ACTC1: variants seen among roughly 807,000 people sequenced by gnomAD.
ACTC1 encodes the protein actin alpha cardiac muscle 1, also known as actin, alpha cardiac muscle 1.
Under a neutral mutation model 31.6 loss-of-function variants are expected in ACTC1, and 10 were observed. The observed-to-expected ratio is 0.32, with a 90% confidence interval of 0.19 to 0.54. The LOEUF is 0.54. Among genes scored for constraint, ACTC1 ranks in the 20% least tolerant of loss-of-function variants. The pLI, the probability that ACTC1 is intolerant of heterozygous loss-of-function variation, is 0.95. For synonymous variants in ACTC1, 196 were observed against 185.0 expected (o/e 1.06, Z -0.48); for missense variants, 129 against 506.4 (o/e 0.25, Z 7.15).
rs972067055 is a variant in ACTC1 at position 34,793,896 on chromosome 15, TG to T, written c.130-328del. 1.3e-5 allele frequency among the ~76,000 whole-genome samples: 2 copies of T among 152,194 alleles called. No homozygotes were observed. The highest frequency in any genetic ancestry group is 4.8e-5 in the African/African-American group (2 of 41,440). On this transcript the variant is annotated intron_variant, in intron 2 of 6. Coordinates refer to ENST00000290378, the MANE Select transcript of ACTC1 (RefSeq NM_005159.5). The surrounding 1 kb of genome is among the most constrained non-coding windows in gnomAD (Gnocchi z 4.8). ...TATTAAGCTCATCACCCATGTCAAC[TG>T]GAATATAGATGACTGCATTTTGGAA...
intron 5 of ACTC1, chr15:34,791,830 C>G (rs1162768042): frequency 6.1e-6 from 3 of 490,216 alleles, no homozygotes; most frequent in African/African-American, 3.9e-5. Flanking sequence ...CCTTTTCCTG[C>G]AGATACGTGC....
Position 34,794,862 on chromosome 15 carries a change from C to T in ACTC1, c.-22-32G>A. ...GTTGAGGAGGGGAGGGCGGACCACG[C>T]TTAGCTGCCTGTGCAGCTGGCCTTC... On this transcript the variant is annotated intron_variant, in intron 1 of 6. Transcript: ENST00000290378. The T allele has an allele frequency of 3.3e-6, 5 of 1,511,820 alleles. No homozygotes were observed. In the South Asian group the frequency reaches 5.7e-5, roughly 17 times the overall value. The allele number at this position is 1,511,820 out of a possible 1,614,324, so 93.7% of individuals were successfully genotyped here.
At position 34,790,323 on chromosome 15, in the gene ACTC1, G is replaced by T; in HGVS notation, c.*89C>A. 1 of 1,494,326 alleles carries T rather than the reference G, an allele frequency of 6.7e-7. No homozygotes were observed. The highest frequency in any genetic ancestry group is 9.3e-7 in the Non-Finnish European group (1 of 1,073,468). 92.6% of individuals were successfully genotyped at this position (1,494,326 alleles called of 1,614,324 possible). ...TGTGTAAACAAACTGTACAATGATT[G>T]ATGAAAGATGAGGGAAGGTGGTTTG... is the stretch of plus-strand genomic sequence containing the variant. On this transcript the variant is annotated 3_prime_UTR_variant, in exon 7 of 7. Transcript: ENST00000290378.
chr15:34,790,877 C>T (rs539391317), intron 6 of ACTC1, among the ~76,000 whole-genome samples: 52 of 152,034 alleles, frequency 3.4e-4, no homozygotes, highest in African/African-American at 1.2e-3. Context: ...GATTTTGTTG[C>T]GTGTGTGTGT....
In ACTC1 at chr15:34,792,047, T is replaced by G. The variant is rs763817712; in HGVS notation, c.808+43A>C. 2.5e-6 allele frequency: 4 copies of G among 1,609,888 alleles called. No individual in the cohort carries two copies. Among genetic ancestry groups the G allele is most frequent in the Non-Finnish European group, 3.4e-6 (4 of 1,177,254 alleles). ...ATTTTACTCTGGGAGACCCTAAGAT[T>G]TCCAGGGAAAATCGTGCCTCTGCAC... On this transcript the variant is annotated intron_variant, in intron 5 of 6. Transcript: ENST00000290378. This position sits in a 1 kb window ranked among gnomAD's most constrained non-coding sequence, Gnocchi z 5.3.
chr15:34,795,021 G>A (rs764659962), intron 1 of ACTC1, among the ~76,000 whole-genome samples, 191 bp from the exon 2 acceptor site: 3 of 152,134 alleles, frequency 2.0e-5, no homozygotes, highest in African/African-American at 4.8e-5. Context: ...AGGAGACTGG[G>A]GACAGAGAAG....
rs766013863 is a variant in ACTC1, at chr15:34,791,246, C to G, written c.858G>C (p.Lys286Asn). Residue 286 changes from lysine (K) to asparagine (N), a missense_variant, in exon 6 of 7, where the codon AAG becomes AAC. Lys to Asn is a moderately conservative substitution (Grantham distance 94, BLOSUM62 0). Transcript: ENST00000290378. ...GGTCCTTGCGGATATCAATGTCACA[C>G]TTCATGATGCTATTGTAAGTTGTTT... ...IHETTYNSIM[K>N]CDIDIRKDLY... 2 of 1,613,666 alleles carry G rather than the reference C, an allele frequency of 1.2e-6. No homozygotes were observed. Among genetic ancestry groups the G allele is most frequent in the Non-Finnish European group, 1.7e-6 (2 of 1,179,884 alleles).
chr15:34,792,322 G>A lies in ACTC1; in HGVS notation c.617-41C>T. 1.9e-6 allele frequency: 3 copies of A among 1,614,104 alleles called. No homozygotes were observed. Among genetic ancestry groups the A allele is most frequent in the Non-Finnish European group, 2.5e-6 (3 of 1,179,936 alleles). On this transcript the variant is annotated intron_variant, in intron 4 of 6. Transcript: ENST00000290378. This position sits in a 1 kb window ranked among gnomAD's most constrained non-coding sequence, Gnocchi z 5.3. ...GTATCACAGTCATGCTCTGAAGCAA[G>A]AAGTCAATTATAGGGAGGTAGGCGG...
chr15:34,791,518 C>T (rs984814668), intron 5 of ACTC1, among the ~76,000 whole-genome samples: 7 of 152,198 alleles, frequency 4.6e-5, no homozygotes, highest in African/African-American at 1.7e-4. Flanking sequence ...AAAGGAGCAA[C>T]TGTGCTTAGC....
chr15:34,794,845 G>A lies in ACTC1; in HGVS notation c.-22-15C>T. The A allele has an allele frequency of 6.2e-7, 1 of 1,606,322 alleles. No homozygotes were observed. The highest frequency in any genetic ancestry group is 8.5e-7 in the Non-Finnish European group (1 of 1,174,364). On this transcript the variant is annotated splice_polypyrimidine_tract_variant and intron_variant, in intron 1 of 6. Coordinates refer to ENST00000290378, the MANE Select transcript of ACTC1 (RefSeq NM_005159.5). ...TTCAGGGGGTTCTGCAGGTTGAGGA[G>A]GGGAGGGCGGACCACGCTTAGCTGC...
At position 34,792,412 on chromosome 15, in the gene ACTC1, G is replaced by A; in HGVS notation, c.612C>T (p.Thr204=). 1 of 1,614,202 alleles carries A rather than the reference G, an allele frequency of 6.2e-7. No individual in the cohort carries two copies. The highest frequency in any genetic ancestry group is 8.5e-7 in the Non-Finnish European group (1 of 1,180,042). ...ILTERGYSFV[T]TAEREIVRDI... ...AGATGAGACACACACACTCACCAGT[G>A]GTGACAAAGGAGTAGCCACGCTCAG... Residue 204 remains threonine (T), a synonymous_variant, in exon 4 of 7, where the codon ACC becomes ACT. Transcript: ENST00000290378. The surrounding 1 kb of genome is among the most constrained non-coding windows in gnomAD (Gnocchi z 5.3).
At position 34,793,141 on chromosome 15, in the gene ACTC1, G is replaced by C; in HGVS notation, c.454+104C>G. The C allele has an allele frequency of 8.4e-7, 1 of 1,194,056 alleles. No homozygotes were observed. 74.0% of individuals were successfully genotyped at this position (1,194,056 alleles called of 1,614,324 possible). A position where few individuals can be genotyped will look rare whatever the true frequency, so the allele number is the denominator to read the frequency against. The stretch of plus-strand genomic sequence containing the variant: ...TAGCACAGACCTTGCTAGGGAATGG[G>C]AGGAAAGGGATTATCCCTTTTTCAA... On this transcript the variant is annotated intron_variant, in intron 3 of 6. Coordinates refer to ENST00000290378, the MANE Select transcript of ACTC1 (RefSeq NM_005159.5). This position sits in a 1 kb window ranked among gnomAD's most constrained non-coding sequence, Gnocchi z 4.8.
chr15:34,790,713 A>G (rs775003614), intron 6 of ACTC1, among the ~76,000 whole-genome samples, 158 bp from the exon 7 acceptor site: 3 of 152,216 alleles, frequency 2.0e-5, no homozygotes, highest in Non-Finnish European at 4.4e-5. Context: ...ATCAAGTTAT[A>G]TGAACTCACC....
At chr15:34,791,345 AC>A in intron 5 of ACTC1, 50 bp from the exon 6 acceptor site, 1 of 1,296,192 alleles carries the variant, frequency 7.7e-7, no homozygotes, top group African/African-American at 1.4e-5. Flanking sequence ...ACACACACAC[AC>A]ACACACATCA....
chr15:34,792,604 C>T lies in ACTC1; in HGVS notation c.455-35G>A. On this transcript the variant is annotated intron_variant, in intron 3 of 6. Coordinates refer to ENST00000290378, the MANE Select transcript of ACTC1 (RefSeq NM_005159.5). The surrounding 1 kb of genome is among the most constrained non-coding windows in gnomAD (Gnocchi z 5.3). ...GAAGTAGACAAGAACAAGGTAAATT[C>T]CTGAGGACAACACCACTGCTCTAGC... 1 of 1,613,504 alleles carries T rather than the reference C, an allele frequency of 6.2e-7. No individual in the cohort carries two copies. The highest frequency in any genetic ancestry group is 8.5e-7 in the Non-Finnish European group (1 of 1,179,456).
intron 1 of ACTC1, 76 bp downstream of exon 1, chr15:34,795,430 G>GCGGCGCGGGGCTGGCGTC (rs1891807117): frequency 6.6e-6 from 1 of 152,422 alleles, no homozygotes; most frequent in Non-Finnish European, 1.5e-5. Context: ...TGGCCAGGTG[G>GCGGCGCGGGGCTGGCGTC]CGGCGCGGGG....
chr15:34,790,965 T>C, intron 6 of ACTC1, 149 bp downstream of exon 6: 1 of 789,890 alleles, frequency 1.3e-6, no homozygotes, highest in Non-Finnish European at 2.0e-6. Context: ...GGAAAAGTGC[T>C]AAGAAAATCA....
chr15:34,794,757 G>A lies in ACTC1; in HGVS notation c.52C>T (p.Leu18=). Residue 18 remains leucine (L), a synonymous_variant, in exon 2 of 7, where the codon CTG becomes TTG. Transcript: ENST00000290378. ...TCGCCCGCAAAGCCGGCCTTCACCA[G>A]CCCAGAGCCGTTGTCGCACACCAGG... ...TALVCDNGSG[L]VKAGFAGDDA... is the part of the protein sequence containing the mutation. 1 of 1,613,702 alleles carries A rather than the reference G, an allele frequency of 6.2e-7. No individual in the cohort carries two copies. Among genetic ancestry groups the A allele is most frequent in the Non-Finnish European group, 8.5e-7 (1 of 1,179,872 alleles).
intron 6 of ACTC1, 71 bp downstream of exon 6, chr15:34,791,043 G>T: frequency 7.1e-7 from 1 of 1,415,600 alleles, no homozygotes; most frequent in South Asian, 1.4e-5. Flanking sequence ...GAGGGAAAAG[G>T]AATTTGGAAC....
Sources: gnomAD v4.1 joint callset for allele counts (sites outside exome capture counted in the v4.1 genomes callset) on GRCh38, gnomAD v4.1.1 for gene constraint, Gnocchi (gnomAD v3.1) non-coding constraint, MANE v1.5 for transcripts, NCBI Gene and HGNC (gene_info 2026-07-23, HGNC 2026-07-21) for gene names.